The following XPR1 variants were observed in gnomAD, a reference collection of about 807,000 sequenced individuals.
XPR1 encodes solute carrier family 53 member 1.
A neutral mutation model predicts 87.5 loss-of-function variants in XPR1; 28 were observed. The observed-to-expected ratio is 0.32, with a 90% CI of 0.24 to 0.44. The LOEUF (loss-of-function observed/expected upper bound fraction) is 0.44, where lower values mean the gene tolerates loss of function less well. Among genes scored for constraint, XPR1 ranks in the 20% least tolerant of loss-of-function variants. The pLI is 1.00. For missense variants in XPR1, 559 were observed against 862.3 expected (o/e 0.65, Z 4.41); for synonymous variants, 300 against 306.1 (o/e 0.98, Z 0.21).
intron 1 of XPR1, among the ~76,000 whole-genome samples, chr1:180,646,136 C>T (rs1326413989): frequency 6.6e-6 from 1 of 152,178 alleles, no homozygotes; most frequent in South Asian, 2.1e-4. Context: ...ACAATTGTGC[C>T]TCTGTATCCT....
intron 1 of XPR1, among the ~76,000 whole-genome samples, chr1:180,640,755 G>A (rs993298074): frequency 2.0e-5 from 3 of 152,150 alleles, no homozygotes; most frequent in Non-Finnish European, 2.9e-5. Context: ...AGGAACTTAC[G>A]AAGATAAATC....
intron 1 of XPR1, among the ~76,000 whole-genome samples, chr1:180,668,529 G>T (rs1484438026): frequency 2.0e-5 from 3 of 152,130 alleles, no homozygotes; most frequent in African/African-American, 7.2e-5. Context: ...ATTTGAATTT[G>T]AAATCCATTC....
intron 6 of XPR1, among the ~76,000 whole-genome samples, chr1:180,808,683 C>T (rs1444070332): frequency 1.3e-5 from 2 of 152,088 alleles, no homozygotes; most frequent in Non-Finnish European, 2.9e-5. Context: ...GGCAAATTAG[C>T]ATGTGATAAA....
chr1:180,705,403 G>A (rs927012938), intron 2 of XPR1, among the ~76,000 whole-genome samples: 5 of 152,134 alleles, frequency 3.3e-5, no homozygotes, highest in African/African-American at 1.2e-4. Context: ...TAATGCACAT[G>A]AATTTTATTT....
At chr1:180,769,307 T>C (rs1306407011) in intron 2 of XPR1, among the ~76,000 whole-genome samples, 1 of 152,096 alleles carries the variant, frequency 6.6e-6, no homozygotes, top group East Asian at 1.9e-4. Context: ...TAAATTATTA[T>C]TGACTATAGT....
intron 11 of XPR1, among the ~76,000 whole-genome samples, chr1:180,858,230 CA>C (rs1652100205): frequency 6.6e-6 from 1 of 152,024 alleles, no homozygotes; most frequent in Non-Finnish European, 1.5e-5. Context: ...CAAAAACAAA[CA>C]AAAAATATAG....
intron 1 of XPR1, among the ~76,000 whole-genome samples, chr1:180,680,788 C>G (rs1656551919): frequency 6.6e-6 from 1 of 152,018 alleles, no homozygotes; most frequent in Non-Finnish European, 1.5e-5. Flanking sequence ...AACTAGTAGC[C>G]AAGATAGGGA....
At position 180,836,467 on chromosome 1, in the gene XPR1, T is replaced by C. The variant is rs529902156; in HGVS notation, c.1307-55T>C. 6.0e-5 allele frequency: 96 copies of C among 1,601,192 alleles called. No homozygotes were observed. In the East Asian group the frequency reaches 2.1e-3, roughly 36 times the overall value. On this transcript the variant is annotated intron_variant, in intron 10 of 14. Coordinates refer to ENST00000367590, the MANE Select transcript of XPR1 (RefSeq NM_004736.4). Reference sequence around the variant, plus strand: ...TTAGCTACACTATATGGCTAAATGATGTGAACAAGTTACTTTTTTTCAATG... The same window carrying C: ...TTAGCTACACTATATGGCTAAATGACGTGAACAAGTTACTTTTTTTCAATG...
Position 180,890,113 on chromosome 1 carries a change from T to C in XPR1, c.*6047T>C, listed in dbSNP as rs146147694. The C allele has an allele frequency of 2.4e-4, 36 of 152,342 alleles. No homozygotes were observed. In the East Asian group the frequency reaches 6.2e-3, roughly 26 times the overall value. 9.4% of individuals were successfully genotyped at this position (152,342 alleles called of 1,614,324 possible). On this transcript the variant is annotated 3_prime_UTR_variant, in exon 15 of 15. Coordinates refer to ENST00000367590, the MANE Select transcript of XPR1 (RefSeq NM_004736.4). ...CTTGATAAGTAGGTTAAATGCACAA[T>C]GTGGTACTGTTTTATAGTTTCTAGA...
rs935874163 is a variant in XPR1, at chr1:180,887,264, A to G, written c.*3198A>G. On this transcript the variant is annotated 3_prime_UTR_variant, in exon 15 of 15. Coordinates refer to ENST00000367590, the MANE Select transcript of XPR1 (RefSeq NM_004736.4). Reference sequence around the variant, plus strand: ...AAACTTCATTTGATTTTAGGTTTAGAAATTCTAGTTTTATTTTGGAGAATC... The same window carrying G: ...AAACTTCATTTGATTTTAGGTTTAGGAATTCTAGTTTTATTTTGGAGAATC... 1 of 152,252 alleles carries G rather than the reference A, an allele frequency of 6.6e-6. No homozygotes were observed. Among genetic ancestry groups the G allele is most frequent in the African/African-American group, 2.4e-5 (1 of 41,466 alleles). The allele number at this position is 152,252 out of a possible 1,614,324, so 9.4% of individuals were successfully genotyped here.
rs1015959951 is a variant in XPR1 at position 180,793,021 on chromosome 1, C to T, written c.223+5167C>T. Reference sequence around the variant, plus strand: ...CTTTTTCTTTGTTTTTGAATAACTTCTTTTTTTTCTGGGTGACTTTTTTGA... The same window carrying T: ...CTTTTTCTTTGTTTTTGAATAACTTTTTTTTTTTCTGGGTGACTTTTTTGA... On this transcript the variant is annotated intron_variant, in intron 3 of 14. Coordinates refer to ENST00000367590, the MANE Select transcript of XPR1 (RefSeq NM_004736.4). 2.6e-5 allele frequency among the ~76,000 whole-genome samples: 4 copies of T among 151,642 alleles called. No homozygotes were observed. In the South Asian group the frequency reaches 8.3e-4, roughly 32 times the overall value.
intron 6 of XPR1, among the ~76,000 whole-genome samples, chr1:180,807,856 T>G (rs913434652): frequency 1.3e-5 from 2 of 152,036 alleles, no homozygotes; most frequent in African/African-American, 4.8e-5. Context: ...ATACAAAAAT[T>G]AGCTGGGCTT....
chr1:180,767,753 G>GA (rs1313457958), intron 2 of XPR1, among the ~76,000 whole-genome samples: 2 of 151,994 alleles, frequency 1.3e-5, no homozygotes, highest in South Asian at 2.1e-4. Context: ...TGTATTAATA[G>GA]AAAAAATACG....
chr1:180,704,277 T>A (rs1161132791), intron 2 of XPR1, among the ~76,000 whole-genome samples: 1 of 136,166 alleles, frequency 7.3e-6, no homozygotes, highest in African/African-American at 2.8e-5. Context: ...TATATATATA[T>A]TATCAGATTA....
intron 7 of XPR1, among the ~76,000 whole-genome samples, chr1:180,819,560 C>T (rs1011758535): frequency 6.6e-6 from 1 of 152,020 alleles, no homozygotes; most frequent in African/African-American, 2.4e-5. Context: ...AATTTTCTTC[C>T]TATGTAGGAC....
intron 11 of XPR1, among the ~76,000 whole-genome samples, chr1:180,856,946 G>A (rs940175272): frequency 7.2e-5 from 11 of 152,196 alleles, no homozygotes; most frequent in African/African-American, 2.6e-4. Flanking sequence ...AATCTAAATC[G>A]AAATGTGCCG....
intron 3 of XPR1, among the ~76,000 whole-genome samples, chr1:180,793,890 A>G (rs549772722): frequency 1.9e-4 from 28 of 150,872 alleles, no homozygotes; most frequent in Non-Finnish European, 7.4e-5. Context: ...TCTCTCTCCT[A>G]TTTTTCCTTT....
rs568474219 is a variant in XPR1, at chr1:180,788,634, G to A, written c.223+780G>A. Among the ~76,000 whole-genome samples the A allele has an allele frequency of 1.6e-4, 24 of 151,872 alleles. No individual in the cohort carries two copies. In the East Asian group the frequency reaches 4.1e-3, roughly 26 times the overall value. ...GAATACCTATCCTATTGAATGTAATGTATCTATTCCCTGAGCAGTAATTGA... is the reference window on the plus strand; with the variant it reads ...GAATACCTATCCTATTGAATGTAATATATCTATTCCCTGAGCAGTAATTGA... On this transcript the variant is annotated intron_variant, in intron 3 of 14. Transcript: ENST00000367590.
chr1:180,876,472 C>T (rs1652667052), intron 13 of XPR1, among the ~76,000 whole-genome samples: 1 of 152,126 alleles, frequency 6.6e-6, no homozygotes. Context: ...CCCATCTCTA[C>T]TAAAAATAGA....
Sources: gnomAD v4.1 joint callset for allele counts (sites outside exome capture counted in the v4.1 genomes callset) on GRCh38, gnomAD v4.1.1 for gene constraint, MANE v1.5 for transcripts, NCBI Gene and HGNC (gene_info 2026-07-23, HGNC 2026-07-21) for gene names.